Variants in NDUFAF4 observed in about 807,000 individuals in gnomAD.
NDUFAF4 encodes the protein NADH dehydrogenase [ubiquinone] 1 alpha subcomplex assembly factor 4.
Under a neutral mutation model 15.6 loss-of-function variants are expected in NDUFAF4, and 10 were observed. The observed-to-expected ratio is 0.64, with a 90% CI of 0.40 to 1.09. The LOEUF (loss-of-function observed/expected upper bound fraction) is 1.09. Among genes scored for constraint, NDUFAF4 ranks in the 50% least tolerant of loss-of-function variants. NDUFAF4 has a pLI of 0.01. For missense variants in NDUFAF4, 203 were observed against 207.3 expected, an observed-to-expected ratio of 0.98 and a Z score of 0.13; for synonymous variants, 77 against 73.3, an observed-to-expected ratio of 1.05 and a Z score of -0.26.
Position 96,897,760 on chromosome 6 carries a change from T to C in NDUFAF4, c.42A>G (p.Leu14=). ...LVIRGIRNFN[L]ENRAEREISK... ...TGATTTCCCGTTCCGCTCGGTTCTC[T>C]AGGTTGAAATTCCTGATACCGCGAA... is the stretch of plus-strand genomic sequence containing the variant. Residue 14 remains leucine (L), a synonymous_variant, in exon 1 of 3, where the codon CTA becomes CTG. Coordinates refer to ENST00000316149, the MANE Select transcript of NDUFAF4 (RefSeq NM_014165.4). 2 of 1,614,172 alleles carry C rather than the reference T, an allele frequency of 1.2e-6. No homozygotes were observed. The highest frequency in any genetic ancestry group is 1.7e-6 in the Non-Finnish European group (2 of 1,179,982).
At chr6:96,893,855 G>T (rs933872478) in intron 2 of NDUFAF4, among the ~76,000 whole-genome samples, 1 of 152,072 alleles carries the variant, frequency 6.6e-6, no homozygotes, top group African/African-American at 2.4e-5. Context: ...ACATCCTGTG[G>T]AAGGAAGGAA....
At chr6:96,893,507 C>T (rs1402707314) in intron 2 of NDUFAF4, among the ~76,000 whole-genome samples, 2 of 152,134 alleles carry the variant, frequency 1.3e-5, no homozygotes, top group Non-Finnish European at 2.9e-5. Context: ...AGGCATCACA[C>T]ACTCTTGTAT....
chr6:96,891,406 A>AG lies in NDUFAF4; in HGVS notation c.241-16_241-15insC. ...GCAGCTTTTACCTAGTATCAAAAAAAAAAGGTTTTAGGATGAGAGAAAAGA... is the reference window on the plus strand; with the variant it reads ...GCAGCTTTTACCTAGTATCAAAAAAAGAAAGGTTTTAGGATGAGAGAAAAGA... On this transcript the variant is annotated splice_polypyrimidine_tract_variant and intron_variant, in intron 2 of 2. Coordinates refer to ENST00000316149, the MANE Select transcript of NDUFAF4 (RefSeq NM_014165.4). 6.2e-7 allele frequency: 1 copy of AG among 1,610,130 alleles called. No individual in the cohort carries two copies. Among genetic ancestry groups the AG allele is most frequent in the Non-Finnish European group, 8.5e-7 (1 of 1,178,958 alleles).
rs1302666405 is a variant in NDUFAF4, at chr6:96,890,262, A to T, written c.*842T>A. 1 of 152,062 alleles carries T rather than the reference A, an allele frequency of 6.6e-6. No homozygotes were observed. The highest frequency in any genetic ancestry group is 2.4e-5 in the African/African-American group (1 of 41,394). 9.4% of individuals were successfully genotyped at this position (152,062 alleles called of 1,614,324 possible). ...TCAACTAGCATTAACATCCGAAACT[A>T]TATGTAATCACCAAATTTCATCTAC... On this transcript the variant is annotated 3_prime_UTR_variant, in exon 3 of 3. Transcript: ENST00000316149.
At chr6:96,894,463 G>T (rs1775347743) in intron 2 of NDUFAF4, among the ~76,000 whole-genome samples, 1 of 151,938 alleles carries the variant, frequency 6.6e-6, no homozygotes, top group Non-Finnish European at 1.5e-5. Flanking sequence ...GACTTAATGA[G>T]GAAAAAAAAT....
chr6:96,891,056 A>G lies in NDUFAF4; in HGVS notation c.*48T>C. 2 of 1,525,210 alleles carry G rather than the reference A, an allele frequency of 1.3e-6. No homozygotes were observed. Among genetic ancestry groups the G allele is most frequent in the South Asian group, 2.3e-5 (2 of 86,064 alleles). 94.5% of individuals were successfully genotyped at this position (1,525,210 alleles called of 1,614,324 possible). A position where few individuals can be genotyped will look rare whatever the true frequency, so the allele number is the denominator to read the frequency against. On this transcript the variant is annotated 3_prime_UTR_variant, in exon 3 of 3. Transcript: ENST00000316149. ...TATTACGCAAAAAATGAGAAAATAT[A>G]CAGCAGGAGGGATGAGGAGTACACA...
intron 2 of NDUFAF4, among the ~76,000 whole-genome samples, chr6:96,894,680 AC>A (rs11285493): frequency 0.22 from 34,128 of 152,026 alleles, 3,958 homozygotes; most frequent in Admixed American, 0.32. Flanking sequence ...AGGGAAGACT[AC>A]TGTAGCAGCA....
At position 96,897,834 on chromosome 6, in the gene NDUFAF4, C is replaced by T; in HGVS notation, c.-33G>A. 1 of 1,613,624 alleles carries T rather than the reference C, an allele frequency of 6.2e-7. No individual in the cohort carries two copies. The highest frequency in any genetic ancestry group is 8.5e-7 in the Non-Finnish European group (1 of 1,179,742). Reference sequence around the variant, plus strand: ...TAACATTATGCGCTCAGGTTCAGGCCGCACGTGGGAACACCGGCGCAGGAC... The same window carrying T: ...TAACATTATGCGCTCAGGTTCAGGCTGCACGTGGGAACACCGGCGCAGGAC... On this transcript the variant is annotated 5_prime_UTR_variant, in exon 1 of 3. Coordinates refer to ENST00000316149, the MANE Select transcript of NDUFAF4 (RefSeq NM_014165.4).
chr6:96,891,931 T>C (rs1775321980), intron 2 of NDUFAF4, among the ~76,000 whole-genome samples: 1 of 152,116 alleles, frequency 6.6e-6, no homozygotes, highest in African/African-American at 2.4e-5. Context: ...TGAGCCATAG[T>C]TTAATAGTAC....
In NDUFAF4 at chr6:96,897,606, C is replaced by G. The variant is rs920427894; in HGVS notation, c.136+60G>C. 2.1e-5 allele frequency: 33 copies of G among 1,608,360 alleles called. No homozygotes were observed. The East Asian group carries it at 6.9e-4, about 34-fold the overall frequency. On this transcript the variant is annotated intron_variant, in intron 1 of 2. Coordinates refer to ENST00000316149, the MANE Select transcript of NDUFAF4 (RefSeq NM_014165.4). ...TCGGCCTCCGGACCCACGCTAGGGA[C>G]AGCCGGGCAGCACAGGGACTCCGCG...
At chr6:96,896,494 G>T (rs1041179607) in intron 2 of NDUFAF4, among the ~76,000 whole-genome samples, 5 of 152,192 alleles carry the variant, frequency 3.3e-5, no homozygotes, top group Non-Finnish European at 5.9e-5. Flanking sequence ...GAAATACTAT[G>T]AAATAATTCA....
intron 1 of NDUFAF4, 172 bp from the exon 2 acceptor site, chr6:96,897,019 C>T (rs1486851808): frequency 8.8e-6 from 5 of 566,832 alleles, no homozygotes; most frequent in Non-Finnish European, 1.6e-5. Flanking sequence ...CTCCGCCTCC[C>T]GGGTTCGAGA....
At chr6:96,892,486 A>G (rs1775327908) in intron 2 of NDUFAF4, among the ~76,000 whole-genome samples, 2 of 152,144 alleles carry the variant, frequency 1.3e-5, no homozygotes, top group African/African-American at 4.8e-5. Flanking sequence ...ACCAAACCCA[A>G]AACCAACACC....
In NDUFAF4 at chr6:96,891,362, C is replaced by T. The variant is rs372832376; in HGVS notation, c.270G>A (p.Pro90=). 76 of 1,611,622 alleles carry T rather than the reference C, an allele frequency of 4.7e-5. No homozygotes were observed. The highest frequency in any genetic ancestry group is 6.7e-5 in the African/African-American group (5 of 74,236). ...GGTCTTTCGGCAATCTGAATTCCTT[C>T]GGCTCTTGACATGTTTCAGCAGCTT... ...QVKAAETCQE[P]KEFRLPKDHH... Residue 90 remains proline, a synonymous_variant, in exon 3 of 3, where the codon CCG becomes CCA. Coordinates refer to ENST00000316149, the MANE Select transcript of NDUFAF4 (RefSeq NM_014165.4).
In NDUFAF4 at chr6:96,896,846, G is replaced by A. The variant is rs1482955116; in HGVS notation, c.138C>T (p.Leu46=). ...TNSLLREQIS[L]YPEVKGEIAR... The stretch of plus-strand genomic sequence containing the variant: ...CAATCTCTCCTTTAACTTCTGGATA[G>A]ACTAAGGAAAGGAAAAAAGTCACAA... Residue 46 remains leucine (L), a splice_region_variant and synonymous_variant, in exon 2 of 3, where the codon CTC becomes CTT. Coordinates refer to ENST00000316149, the MANE Select transcript of NDUFAF4 (RefSeq NM_014165.4). The A allele has an allele frequency of 1.2e-6, 2 of 1,610,024 alleles. No individual in the cohort carries two copies. Among genetic ancestry groups the A allele is most frequent in the South Asian group, 2.2e-5 (2 of 91,000 alleles).
chr6:96,891,451 C>A, intron 2 of NDUFAF4, 60 bp from the exon 3 acceptor site: 2 of 1,455,232 alleles, frequency 1.4e-6, no homozygotes, highest in African/African-American at 1.4e-5. Flanking sequence ...TACTTTCATA[C>A]TTCTCAAATC....
Position 96,896,737 on chromosome 6 carries a change from C to T in NDUFAF4, c.240+7G>A, listed in dbSNP as rs754668919. The stretch of plus-strand genomic sequence containing the variant: ...TTGTGTATTCACTTAATTAAACACA[C>T]ATTTACCTGCAAGGAAGACACAGGA... On this transcript the variant is annotated splice_region_variant and intron_variant, in intron 2 of 2. Coordinates refer to ENST00000316149, the MANE Select transcript of NDUFAF4 (RefSeq NM_014165.4). The T allele has an allele frequency of 4.4e-6, 7 of 1,596,858 alleles. No homozygotes were observed. The highest frequency in any genetic ancestry group is 5.1e-6 in the Non-Finnish European group (6 of 1,166,238).
chr6:96,897,630 C>A lies in NDUFAF4; in HGVS notation c.136+36G>T, dbSNP rs944367172. The A allele has an allele frequency of 5.6e-6, 9 of 1,611,808 alleles. No individual in the cohort carries two copies. The African/African-American group carries it at 6.7e-5, about 12-fold the overall frequency. On this transcript the variant is annotated intron_variant, in intron 1 of 2. Transcript: ENST00000316149. ...ACAGCCGGGCAGCACAGGGACTCCGCGCCCCCGGGCCCCGAAACGCCCTCG... is the reference window on the plus strand; with the variant it reads ...ACAGCCGGGCAGCACAGGGACTCCGAGCCCCCGGGCCCCGAAACGCCCTCG...
chr6:96,896,932 T>C lies in NDUFAF4; in HGVS notation c.137-85A>G, dbSNP rs1582314620. ...AACGCTTAACACAAACGCTTTCTTTTATTTTCTTTTTTGAGTCGGAGTCTC... is the reference window on the plus strand; with the variant it reads ...AACGCTTAACACAAACGCTTTCTTTCATTTTCTTTTTTGAGTCGGAGTCTC... On this transcript the variant is annotated intron_variant, in intron 1 of 2. Transcript: ENST00000316149. The C allele has an allele frequency of 3.1e-5, 32 of 1,033,284 alleles. No homozygotes were observed. The East Asian group carries it at 7.2e-4, about 23-fold the overall frequency. 64.0% of individuals were successfully genotyped at this position (1,033,284 alleles called of 1,614,324 possible).
Sources: allele counts gnomAD v4.1 joint callset (sites outside exome capture counted in the v4.1 genomes callset), GRCh38; gene constraint gnomAD v4.1.1; transcripts MANE v1.5; gene names NCBI Gene and HGNC (gene_info 2026-07-23, HGNC 2026-07-21).